Variants in RERE observed in about 807,000 individuals in gnomAD.
RERE encodes the protein arginine-glutamic acid dipeptide repeats.
A neutral mutation model predicts 146.1 loss-of-function variants in RERE; 40 were observed. The ratio of observed to expected loss-of-function variants is 0.27; its 90% CI spans 0.21 to 0.36. RERE has a LOEUF of 0.36. RERE is among the 10% of genes least tolerant of loss of function. The pLI, the probability that RERE is intolerant of heterozygous loss-of-function variation, is 1.00. For synonymous variants in RERE, 1,003 were observed against 866.0 expected, an observed-to-expected ratio of 1.16 and a Z score of -2.78; for missense variants, 1,933 against 2,138.7, an observed-to-expected ratio of 0.90 and a Z score of 1.90.
At position 8,450,436 on chromosome 1, in the gene RERE, G is replaced by A. The variant is rs868786047; in HGVS notation, c.1203+15489C>T. On this transcript the variant is annotated intron_variant, in intron 11 of 22. Coordinates refer to ENST00000400908, the MANE Select transcript of RERE (RefSeq NM_001042681.2). ...CCATGGGACCTAAATGACCAGCATAGCACACGCTTCCTTCCTTCCCAGCCC... is the reference window on the plus strand; with the variant it reads ...CCATGGGACCTAAATGACCAGCATAACACACGCTTCCTTCCTTCCCAGCCC... Among the ~76,000 whole-genome samples, 20 of 150,894 alleles carry A rather than the reference G, an allele frequency of 1.3e-4. No homozygotes were observed. The South Asian group carries it at 1.9e-3, about 14-fold the overall frequency.
At chr1:8,559,358 T>G (rs1646051018) in intron 4 of RERE, among the ~76,000 whole-genome samples, 2 of 148,932 alleles carry the variant, frequency 1.3e-5, no homozygotes, top group African/African-American at 4.9e-5. Flanking sequence ...CCAAGATTCT[T>G]TTTTTGCATT....
chr1:8,422,596 G>C, intron 12 of RERE, 131 bp downstream of exon 12: 1 of 645,448 alleles, frequency 1.5e-6, no homozygotes, highest in Non-Finnish European at 2.8e-6. Flanking sequence ...AAAACGGAGA[G>C]AATTCTGGAG....
chr1:8,497,509 T>G lies in RERE; in HGVS notation c.900A>C (p.Gln300His). The change falls in exon 9 of 23, where the codon CAA becomes CAC. Residue 300 changes from glutamine to histidine, a missense_variant. Gln to His is a conservative substitution (Grantham distance 24, BLOSUM62 0). This residue lies in a region of RERE where 260 missense variants were observed against 378.4 expected (regional missense o/e 0.69). Transcript: ENST00000400908. The stretch of plus-strand genomic sequence containing the variant: ...TATCACCATCTGGAGAAGGAAATGG[T>G]TGCAGATCTGGAAGTTTGGCCTGTA... ...PSHQAKLPDL[Q>H]PFPSPDGDTV... is the part of the protein sequence containing the mutation. 1 of 1,614,168 alleles carries G rather than the reference T, an allele frequency of 6.2e-7. No individual in the cohort carries two copies. Among genetic ancestry groups the G allele is most frequent in the Non-Finnish European group, 8.5e-7 (1 of 1,180,008 alleles).
At position 8,541,338 on chromosome 1, in the gene RERE, A is replaced by G. The variant is rs768989367; in HGVS notation, c.726-20T>C. 9.5e-6 allele frequency: 14 copies of G among 1,471,942 alleles called. No homozygotes were observed. In the Admixed American group the frequency reaches 2.2e-4, roughly 23 times the overall value. The allele number at this position is 1,471,942 out of a possible 1,614,324, so 91.2% of individuals were successfully genotyped here. ...TTCCCTCTGGGAAAAAGAGAAAAAA[A>G]TAATTAGTAATACCCTCAACTGCTT... is the stretch of plus-strand genomic sequence containing the variant. On this transcript the variant is annotated intron_variant, in intron 6 of 22. Transcript: ENST00000400908.
At chr1:8,540,690 T>C (rs943100502) in intron 7 of RERE, among the ~76,000 whole-genome samples, 7 of 152,228 alleles carry the variant, frequency 4.6e-5, no homozygotes, top group African/African-American at 1.4e-4. Context: ...AACTGTTACA[T>C]AGATCTTACC....
intron 11 of RERE, among the ~76,000 whole-genome samples, chr1:8,455,109 G>A (rs1161152800): frequency 6.6e-6 from 1 of 152,154 alleles, no homozygotes; most frequent in East Asian, 1.9e-4. Flanking sequence ...GACGTCAGCA[G>A]CCCTCAGACA....
chr1:8,712,511 T>C (rs773665707), intron 1 of RERE, among the ~76,000 whole-genome samples: 8 of 152,244 alleles, frequency 5.3e-5, no homozygotes, highest in Non-Finnish European at 8.8e-5. Flanking sequence ...ATGTAAAGCA[T>C]GTTCATTCTC....
intron 6 of RERE, among the ~76,000 whole-genome samples, chr1:8,552,440 T>G (rs1645947515): frequency 6.6e-6 from 1 of 152,178 alleles, no homozygotes; most frequent in South Asian, 2.1e-4. Context: ...TTCCCCATGG[T>G]TTTTTTCATT....
intron 1 of RERE, among the ~76,000 whole-genome samples, chr1:8,739,405 C>T (rs1251957346): frequency 3.9e-5 from 6 of 152,120 alleles, no homozygotes; most frequent in African/African-American, 9.7e-5. Context: ...TCTCAGTGGA[C>T]GTACTCTGCT....
chr1:8,358,047 T>C (rs761973247), intron 20 of RERE, 149 bp downstream of exon 20: 10 of 1,359,556 alleles, frequency 7.4e-6, no homozygotes, highest in South Asian at 2.9e-5. Flanking sequence ...ACCATGACGG[T>C]AGTGGATGCT....
At chr1:8,805,853 T>A (rs1385691806) in intron 1 of RERE, 1 of 144,532 alleles carries the variant, frequency 6.9e-6, no homozygotes, top group Admixed American at 6.9e-5. Context: ...TCTTTTTTTT[T>A]TTTTTTTTTT....
At chr1:8,785,498 C>T (rs1641243672) in intron 1 of RERE, among the ~76,000 whole-genome samples, 1 of 152,228 alleles carries the variant, frequency 6.6e-6, no homozygotes, top group African/African-American at 2.4e-5. Context: ...ATTCACAATG[C>T]AACCAAGTCC....
At chr1:8,581,340 T>C (rs1028428606) in intron 4 of RERE, among the ~76,000 whole-genome samples, 1 of 152,196 alleles carries the variant, frequency 6.6e-6, no homozygotes, top group African/African-American at 2.4e-5. Context: ...TATAAGAGTG[T>C]TGTTTGTTGG....
intron 4 of RERE, among the ~76,000 whole-genome samples, chr1:8,601,579 T>C (rs1189063208): frequency 6.7e-6 from 1 of 150,244 alleles, no homozygotes; most frequent in Non-Finnish European, 1.5e-5. Flanking sequence ...TCCATGATCC[T>C]TTGGATTGAG....
chr1:8,557,004 T>G (rs1646015684), intron 5 of RERE, among the ~76,000 whole-genome samples: 1 of 151,868 alleles, frequency 6.6e-6, no homozygotes, highest in Non-Finnish European at 1.5e-5. Context: ...ATTTACACGC[T>G]TTAACAGAGG....
rs568387725 is a variant in RERE at position 8,378,007 on chromosome 1, T to C, written c.1285-12033A>G. Reference sequence around the variant, plus strand: ...CTAACAACACTTCTCTTATATTTTATGGTTTTTATGGATGCACAGCAAATT... The same window carrying C: ...CTAACAACACTTCTCTTATATTTTACGGTTTTTATGGATGCACAGCAAATT... On this transcript the variant is annotated intron_variant, in intron 12 of 22. Coordinates refer to ENST00000400908, the MANE Select transcript of RERE (RefSeq NM_001042681.2). Among the ~76,000 whole-genome samples, 3 of 152,370 alleles carry C rather than the reference T, an allele frequency of 2.0e-5. No individual in the cohort carries two copies. The East Asian group carries it at 5.8e-4, about 29-fold the overall frequency.
intron 7 of RERE, among the ~76,000 whole-genome samples, chr1:8,526,851 T>A (rs948467884): frequency 6.6e-6 from 1 of 152,184 alleles, no homozygotes; most frequent in African/African-American, 2.4e-5. Flanking sequence ...AAATCCTAGC[T>A]TTGGATGTGC....
chr1:8,498,660 C>T (rs1381459438), intron 8 of RERE, among the ~76,000 whole-genome samples: 1 of 147,636 alleles, frequency 6.8e-6, no homozygotes, highest in African/African-American at 2.5e-5. Context: ...TGTGTCACTG[C>T]ACTCCAGCCT....
At chr1:8,544,797 T>C (rs906466305) in intron 6 of RERE, among the ~76,000 whole-genome samples, 1 of 152,162 alleles carries the variant, frequency 6.6e-6, no homozygotes, top group African/African-American at 2.4e-5. Flanking sequence ...CATATAGCTG[T>C]AGCCATATGG....
Sources: gnomAD v4.1 joint callset for allele counts (sites outside exome capture counted in the v4.1 genomes callset) on GRCh38, gnomAD v4.1.1 for gene constraint, gnomAD v4.1.1 regional missense constraint, MANE v1.5 for transcripts, NCBI Gene and HGNC (gene_info 2026-07-23, HGNC 2026-07-21) for gene names.